Variants in CFI observed in about 807,000 individuals in gnomAD.
CFI encodes complement factor I.
Under a neutral mutation model 78.8 loss-of-function variants are expected in CFI, and 66 were observed. That is an observed-to-expected ratio of 0.84 (90% CI 0.69 to 1.03). CFI has a LOEUF of 1.03. Ranked by LOEUF, CFI falls within the 50% of genes least tolerant of loss-of-function variation. The pLI, the probability that CFI is intolerant of heterozygous loss-of-function variation, is 0.00. For synonymous variants in CFI, 250 were observed against 232.6 expected (o/e 1.07, Z -0.68); for missense variants, 706 against 704.5 (o/e 1.00, Z -0.02).
intron 2 of CFI, among the ~76,000 whole-genome samples, chr4:109,766,249 G>A (rs1352310352): frequency 6.6e-6 from 1 of 152,050 alleles, no homozygotes; most frequent in Admixed American, 6.6e-5. Flanking sequence ...AATGGCCCTG[G>A]GAATAATCCC....
rs1727625537 is a variant in CFI, at chr4:109,765,521, T to C, written c.329-831A>G. ...CTTCACATTTTACAGATGAGGGAACTGGGGTCCAGTGAGGTCCAGCTTGTC... is the reference window on the plus strand; with the variant it reads ...CTTCACATTTTACAGATGAGGGAACCGGGGTCCAGTGAGGTCCAGCTTGTC... On this transcript the variant is annotated intron_variant, in intron 2 of 12. Transcript: ENST00000394634. Among the ~76,000 whole-genome samples the C allele has an allele frequency of 1.3e-5, 2 of 152,202 alleles. 1 individual carries two copies. The highest frequency in any genetic ancestry group is 4.1e-4 in the South Asian group (2 of 4,832).
chr4:109,772,460 T>C (rs1201651908), intron 1 of CFI, among the ~76,000 whole-genome samples: 1 of 152,266 alleles, frequency 6.6e-6, no homozygotes, highest in East Asian at 1.9e-4. Context: ...AGAAAAATTA[T>C]TTAAATCACC....
At chr4:109,778,439 T>G (rs1421516952) in intron 1 of CFI, among the ~76,000 whole-genome samples, 1 of 152,132 alleles carries the variant, frequency 6.6e-6, no homozygotes, top group Admixed American at 6.6e-5. Flanking sequence ...ACAAAGAGGT[T>G]GAATCCCTGA....
rs182917508 is a variant in CFI, at chr4:109,775,792, C to T, written c.58-8968G>A. ...CATACAGCCGAGTGCCCCTCTGAGA[C>T]GAAGCTTCCAGAGGAAGCAACATTT... is the stretch of plus-strand genomic sequence containing the variant. On this transcript the variant is annotated intron_variant, in intron 1 of 12. Transcript: ENST00000394634. Among the ~76,000 whole-genome samples the T allele has an allele frequency of 2.1e-3, 325 of 152,252 alleles. 1 individual carries two copies. The highest frequency in any genetic ancestry group is 2.0e-3 in the Non-Finnish European group (137 of 68,018).
chr4:109,777,864 A>T (rs1729470852), intron 1 of CFI, among the ~76,000 whole-genome samples: 1 of 152,140 alleles, frequency 6.6e-6, no homozygotes, highest in Admixed American at 6.5e-5. Flanking sequence ...AAACTGAACA[A>T]CCTGCTCCCG....
chr4:109,740,899 A>C lies in CFI; in HGVS notation c.1746T>G (p.Asn582Lys). The C allele has an allele frequency of 6.2e-7, 1 of 1,613,262 alleles. No individual in the cohort carries two copies. Among genetic ancestry groups the C allele is most frequent in the South Asian group, 1.1e-5 (1 of 91,074 alleles). ...HVGRPFISQYNV is the reference protein window; with the variant it reads ...HVGRPFISQYKV ...GAAGAGAGAGATCACAATTTTATAC[A>C]TTGTACTGAGAAATAAAAGGCCTTC... is the stretch of plus-strand genomic sequence containing the variant. The change falls in exon 13 of 13, where the codon AAT becomes AAG. Residue 582 changes from asparagine to lysine, a missense_variant. Coordinates refer to ENST00000394634, the MANE Select transcript of CFI (RefSeq NM_000204.5).
chr4:109,773,465 G>A (rs113552407), intron 1 of CFI, among the ~76,000 whole-genome samples: 16,663 of 152,072 alleles, frequency 0.11, 2,096 homozygotes, highest in African/African-American at 0.31. Context: ...GCAGTGAGCC[G>A]AGATCGCGCC....
At chr4:109,735,752 A>T (rs1217017924), downstream of CFI, among the ~76,000 whole-genome samples, 1 of 152,212 alleles carries the variant, frequency 6.6e-6, no homozygotes, top group East Asian at 1.9e-4. Flanking sequence ...AAGCAGGAGG[A>T]TCTTTATTGA....
At chr4:109,777,539 T>C (rs1307580486) in intron 1 of CFI, among the ~76,000 whole-genome samples, 1 of 152,142 alleles carries the variant, frequency 6.6e-6, no homozygotes, top group African/African-American at 2.4e-5. Context: ...AATGGGAGAC[T>C]TTAACACCCC....
rs1330913739 is a variant in CFI at position 109,740,873 on chromosome 4, T to G, written c.*20A>C. 6.3e-7 allele frequency: 1 copy of G among 1,587,026 alleles called. No homozygotes were observed. Among genetic ancestry groups the G allele is most frequent in the Non-Finnish European group, 8.7e-7 (1 of 1,155,424 alleles). The stretch of plus-strand genomic sequence containing the variant: ...AACTCTTGAGAGAAAAAGAATAGAA[T>G]GAAGAGAGAGATCACAATTTTATAC... On this transcript the variant is annotated 3_prime_UTR_variant, in exon 13 of 13. Transcript: ENST00000394634.
chr4:109,787,750 T>C (rs897611886), intron 1 of CFI, among the ~76,000 whole-genome samples: 4 of 152,026 alleles, frequency 2.6e-5, no homozygotes, highest in African/African-American at 9.7e-5. Flanking sequence ...AATATTGTTT[T>C]GGGGTCAACT....
At chr4:109,774,594 G>C (rs996279596) in intron 1 of CFI, among the ~76,000 whole-genome samples, 5 of 152,128 alleles carry the variant, frequency 3.3e-5, no homozygotes, top group African/African-American at 1.2e-4. Context: ...AGATCTTGTA[G>C]GAACCTGTTG....
At chr4:109,791,381 A>G (rs1014030947) in intron 1 of CFI, among the ~76,000 whole-genome samples, 1 of 151,662 alleles carries the variant, frequency 6.6e-6, no homozygotes, top group African/African-American at 2.4e-5. Context: ...ATTTTCTCCC[A>G]TCCGTAGGGT....
At chr4:109,799,682 C>G (rs141769646) in intron 1 of CFI, among the ~76,000 whole-genome samples, 1 of 152,200 alleles carries the variant, frequency 6.6e-6, no homozygotes. Flanking sequence ...GTAAGAGAAA[C>G]AGTTTGTATT....
intron 4 of CFI, among the ~76,000 whole-genome samples, 186 bp from the exon 5 acceptor site, chr4:109,760,822 T>G (rs1478440339): frequency 6.6e-6 from 1 of 152,228 alleles, no homozygotes; most frequent in Non-Finnish European, 1.5e-5. Context: ...ACCTGGCTTA[T>G]GGAGGCTCTT....
chr4:109,798,290 T>TA (rs1207784969), intron 1 of CFI, among the ~76,000 whole-genome samples: 75 of 152,246 alleles, frequency 4.9e-4, no homozygotes, highest in African/African-American at 1.8e-3. Flanking sequence ...TACTTAAAAA[T>TA]TTGCTAAGAG....
At chr4:109,767,793 A>G (rs1297492454) in intron 1 of CFI, among the ~76,000 whole-genome samples, 5 of 152,154 alleles carry the variant, frequency 3.3e-5, no homozygotes, top group Admixed American at 3.3e-4. Flanking sequence ...CATATACCCA[A>G]AGGATTATAA....
intron 1 of CFI, among the ~76,000 whole-genome samples, chr4:109,784,074 A>G (rs555069253): frequency 6.6e-6 from 1 of 151,800 alleles, no homozygotes; most frequent in Non-Finnish European, 1.5e-5. Flanking sequence ...GACTACAAAT[A>G]TGGTGCAGTG....
At chr4:109,731,174 A>G in the CFI span, among the ~76,000 whole-genome samples, 4 of 152,088 alleles carry the variant, frequency 2.6e-5, no homozygotes, top group Non-Finnish European at 5.9e-5. Flanking sequence ...GTGAAACCCC[A>G]TCTCTACCAA....
Sources: allele counts gnomAD v4.1 joint callset (sites outside exome capture counted in the v4.1 genomes callset), GRCh38; gene constraint gnomAD v4.1.1; transcripts MANE v1.5; gene names NCBI Gene and HGNC (gene_info 2026-07-23, HGNC 2026-07-21).